TRPS1: variants seen among roughly 807,000 people sequenced by gnomAD.
TRPS1 encodes the protein zinc finger transcription factor Trps1.
Under a neutral mutation model 101.2 loss-of-function variants are expected in TRPS1, and 6 were observed. The ratio of observed to expected loss-of-function variants is 0.06; its 90% confidence interval spans 0.03 to 0.12. The LOEUF (loss-of-function observed/expected upper bound fraction) is 0.12, where lower values mean the gene tolerates loss of function less well. Among genes scored for constraint, TRPS1 ranks in the 10% least tolerant of loss-of-function variants. The pLI, the probability that TRPS1 is intolerant of heterozygous loss-of-function variation, is 1.00. For synonymous variants in TRPS1, 578 were observed against 589.8 expected, an observed-to-expected ratio of 0.98 and a Z score of 0.29; for missense variants, 1,363 against 1,567.0, an observed-to-expected ratio of 0.87 and a Z score of 2.20.
chr8:115,500,255 C>G (rs1191588711), intron 5 of TRPS1, among the ~76,000 whole-genome samples: 1 of 152,044 alleles, frequency 6.6e-6, no homozygotes, highest in Non-Finnish European at 1.5e-5. Context: ...GTCTCGAACT[C>G]CTGACCTTGT....
chr8:115,633,573 C>T (rs1328501135), intron 1 of TRPS1, among the ~76,000 whole-genome samples: 1 of 152,112 alleles, frequency 6.6e-6, no homozygotes, highest in Admixed American at 6.6e-5. Context: ...TCACCAAAAG[C>T]CTGATAGTTA....
intron 5 of TRPS1, among the ~76,000 whole-genome samples, chr8:115,531,967 G>T (rs1816143749): frequency 6.6e-6 from 1 of 152,072 alleles, no homozygotes; most frequent in South Asian, 2.1e-4. Context: ...GTTGTATGGG[G>T]CTGTTGCCAT....
chr8:115,417,770 T>C (rs808994), intron 6 of TRPS1, among the ~76,000 whole-genome samples: 126,023 of 152,076 alleles, frequency 0.83, 52,378 homozygotes, highest in East Asian at 0.91. Context: ...GATACCTCAT[T>C]GAAATACCCA....
chr8:115,517,437 A>AT (rs1266749851), intron 5 of TRPS1, among the ~76,000 whole-genome samples: 2 of 151,674 alleles, frequency 1.3e-5, no homozygotes, highest in African/African-American at 4.8e-5. Context: ...TACAACAGTT[A>AT]TTATTAAAAT....
intron 5 of TRPS1, among the ~76,000 whole-genome samples, chr8:115,435,331 A>C (rs989736956): frequency 5.3e-5 from 8 of 152,206 alleles, no homozygotes; most frequent in Non-Finnish European, 7.3e-5. Context: ...CCTTGGTAGC[A>C]CCCAAGGGTG....
chr8:115,518,046 C>T (rs1486348327), intron 5 of TRPS1, among the ~76,000 whole-genome samples: 1 of 103,796 alleles, frequency 9.6e-6, no homozygotes, highest in Non-Finnish European at 2.0e-5. Flanking sequence ...AAATGAAGGG[C>T]CAGAGGTCAT....
intron 5 of TRPS1, among the ~76,000 whole-genome samples, chr8:115,514,026 T>C (rs1563566308): frequency 6.6e-6 from 1 of 151,694 alleles, no homozygotes; most frequent in Non-Finnish European, 1.5e-5. Context: ...GGTATCTAAG[T>C]TAAACAATGT....
chr8:115,461,270 T>C (rs1466058388), intron 5 of TRPS1, among the ~76,000 whole-genome samples: 6 of 83,232 alleles, frequency 7.2e-5, no homozygotes, highest in South Asian at 6.8e-4. Flanking sequence ...GATAGATAGA[T>C]AGATAGATAG....
At chr8:115,666,625 C>T (rs1355323051) in intron 1 of TRPS1, among the ~76,000 whole-genome samples, 1 of 152,158 alleles carries the variant, frequency 6.6e-6, no homozygotes, top group East Asian at 1.9e-4. Flanking sequence ...CTCTGGCAGC[C>T]TTTTCTAAAT....
intron 5 of TRPS1, among the ~76,000 whole-genome samples, chr8:115,538,723 T>C (rs1816382048): frequency 6.6e-6 from 1 of 152,168 alleles, no homozygotes; most frequent in African/African-American, 2.4e-5. Flanking sequence ...AATATTCTAA[T>C]TTAGTATTTT....
At chr8:115,548,611 A>G (rs1816634009) in intron 5 of TRPS1, among the ~76,000 whole-genome samples, 1 of 152,142 alleles carries the variant, frequency 6.6e-6, no homozygotes, top group Non-Finnish European at 1.5e-5. Flanking sequence ...AGGAAACCTG[A>G]GGATTTGGGA....
At chr8:115,421,130 A>G (rs1813042510) in intron 5 of TRPS1, among the ~76,000 whole-genome samples, 1 of 151,904 alleles carries the variant, frequency 6.6e-6, no homozygotes, top group Non-Finnish European at 1.5e-5. Context: ...GATTACAGGC[A>G]TGCGCCACCA....
chr8:115,481,151 A>G (rs1814741377), intron 5 of TRPS1, among the ~76,000 whole-genome samples: 2 of 152,138 alleles, frequency 1.3e-5, no homozygotes, highest in Non-Finnish European at 2.9e-5. Flanking sequence ...GGTTTGGCAA[A>G]TAAGATATAC....
chr8:115,647,262 C>T (rs1811432420), intron 1 of TRPS1, among the ~76,000 whole-genome samples: 1 of 151,988 alleles, frequency 6.6e-6, no homozygotes, highest in South Asian at 2.1e-4. Flanking sequence ...CATGATATGG[C>T]CTTACTAATA....
chr8:115,609,454 CAGG>C (rs1818114022), intron 3 of TRPS1, among the ~76,000 whole-genome samples: 2 of 152,196 alleles, frequency 1.3e-5, no homozygotes, highest in East Asian at 1.9e-4. Context: ...TAGAAGAAAG[CAGG>C]AGTTCAATGC....
chr8:115,642,040 C>A (rs140761562), intron 1 of TRPS1, among the ~76,000 whole-genome samples: 10 of 152,054 alleles, frequency 6.6e-5, no homozygotes, highest in African/African-American at 2.4e-4. Flanking sequence ...CAGCAAGACT[C>A]CGTCTTTACA....
chr8:115,494,477 G>A (rs1253759042), intron 5 of TRPS1, among the ~76,000 whole-genome samples: 1 of 152,202 alleles, frequency 6.6e-6, no homozygotes, highest in Non-Finnish European at 1.5e-5. Context: ...AAAGCAAATT[G>A]CTTACGCCAA....
intron 2 of TRPS1, among the ~76,000 whole-genome samples, chr8:115,620,547 A>T (rs777416401): frequency 2.6e-5 from 4 of 152,212 alleles, no homozygotes; most frequent in Non-Finnish European, 4.4e-5. Context: ...TGTATACATA[A>T]ATAACATAAA....
At chr8:115,426,593 G>A (rs942569809) in intron 5 of TRPS1, among the ~76,000 whole-genome samples, 2 of 152,034 alleles carry the variant, frequency 1.3e-5, no homozygotes, top group African/African-American at 2.4e-5. Context: ...TGCCACCCTC[G>A]AGGCAGCTAT....
Sources: allele counts gnomAD v4.1 joint callset (sites outside exome capture counted in the v4.1 genomes callset), GRCh38; gene constraint gnomAD v4.1.1; transcripts MANE v1.5; gene names NCBI Gene and HGNC (gene_info 2026-07-23, HGNC 2026-07-21).